ENTREP2: variants seen among roughly 807,000 people sequenced by gnomAD.
The protein encoded by ENTREP2 is protein ENTREP2.
chr15:29,316,198 G>A, the ENTREP2 span, among the ~76,000 whole-genome samples: 1 of 152,152 alleles, frequency 6.6e-6, no homozygotes, highest in Non-Finnish European at 1.5e-5. Flanking sequence ...AAAACGGGCA[G>A]GTGCCTTAAC....
chr15:29,261,461 T>C, the ENTREP2 span, among the ~76,000 whole-genome samples: 121 of 152,208 alleles, frequency 7.9e-4, no homozygotes, highest in African/African-American at 2.7e-3. Context: ...GGAGGCTCAC[T>C]TGAGCCTGCT....
the ENTREP2 span, among the ~76,000 whole-genome samples, chr15:29,236,585 G>A: frequency 2.0e-5 from 3 of 152,154 alleles, no homozygotes; most frequent in Non-Finnish European, 4.4e-5. Flanking sequence ...GGAGTTCAAG[G>A]TTGCATTGAG....
the ENTREP2 span, among the ~76,000 whole-genome samples, chr15:29,291,855 G>GT: frequency 0.031 from 4,663 of 149,452 alleles, 239 homozygotes; most frequent in African/African-American, 0.11. Flanking sequence ...GTTTGCATAG[G>GT]TTTTTTTTTT....
the ENTREP2 span, among the ~76,000 whole-genome samples, chr15:29,338,425 CAA>C: frequency 2.0e-4 from 16 of 80,566 alleles, no homozygotes; most frequent in Admixed American, 4.7e-4. Context: ...GACTCCATCT[CAA>C]AAAAAAAAAA....
the ENTREP2 span, among the ~76,000 whole-genome samples, chr15:29,423,165 C>CG: frequency 6.6e-6 from 1 of 152,088 alleles, no homozygotes; most frequent in East Asian, 1.9e-4. Context: ...TGAATAACCC[C>CG]GCCTGCCCCA....
chr15:29,490,413 C>A, the ENTREP2 span, among the ~76,000 whole-genome samples: 1 of 152,180 alleles, frequency 6.6e-6, no homozygotes, highest in Non-Finnish European at 1.5e-5. Context: ...AAACAGTTTG[C>A]GGCTGCTGGC....
chr15:29,306,108 T>C, the ENTREP2 span, among the ~76,000 whole-genome samples: 1 of 152,202 alleles, frequency 6.6e-6, no homozygotes, highest in Non-Finnish European at 1.5e-5. Context: ...CAGGCAGCGC[T>C]GCGATACCCC....
the ENTREP2 span, among the ~76,000 whole-genome samples, chr15:29,159,049 G>C: frequency 1.6e-4 from 24 of 152,196 alleles, no homozygotes; most frequent in Admixed American, 1.1e-3. Context: ...GCGGGTCGTG[G>C]TAGTGTATCT....
chr15:29,547,110 T>TG, the ENTREP2 span, among the ~76,000 whole-genome samples: 23 of 147,786 alleles, frequency 1.6e-4, no homozygotes, highest in African/African-American at 5.7e-4. Flanking sequence ...TTTTTTGAGA[T>TG]GGAGTCTCGC....
At chr15:29,149,994 GCA>G in the ENTREP2 span, among the ~76,000 whole-genome samples, 4 of 152,222 alleles carry the variant, frequency 2.6e-5, no homozygotes, top group Non-Finnish European at 5.9e-5. Flanking sequence ...CCTTTCCCTT[GCA>G]CAGTATTTTC....
the ENTREP2 span, among the ~76,000 whole-genome samples, chr15:29,600,898 C>CAATGATACGTTCTAATGCTCGTAAAAACA: frequency 1.6e-5 from 2 of 125,444 alleles, no homozygotes; most frequent in African/African-American, 7.6e-5. Context: ...TATGATTTTT[C>CAATGATACGTTCTAATGCTCGTAAAAACA]TTTCTTTTTT....
the ENTREP2 span, among the ~76,000 whole-genome samples, chr15:29,557,037 C>T: frequency 6.6e-6 from 1 of 152,182 alleles, no homozygotes; most frequent in Non-Finnish European, 1.5e-5. Context: ...CCACTAGTTC[C>T]TCTGCAAGGG....
chr15:29,179,436 G>A, the ENTREP2 span, among the ~76,000 whole-genome samples: 1 of 152,226 alleles, frequency 6.6e-6, no homozygotes, highest in Non-Finnish European at 1.5e-5. Context: ...CATGGTCTGA[G>A]CAATGGGAAG....
chr15:29,239,412 A>G, the ENTREP2 span, among the ~76,000 whole-genome samples: 1 of 152,164 alleles, frequency 6.6e-6, no homozygotes, highest in Non-Finnish European at 1.5e-5. Context: ...CAGAAACACA[A>G]ACAGACAAGG....
At chr15:29,555,217 G>A in the ENTREP2 span, among the ~76,000 whole-genome samples, 1 of 152,172 alleles carries the variant, frequency 6.6e-6, no homozygotes, top group Non-Finnish European at 1.5e-5. Context: ...GGAGAGGAGA[G>A]AGATTTGGGT....
At chr15:29,501,813 T>A in the ENTREP2 span, among the ~76,000 whole-genome samples, 1 of 151,952 alleles carries the variant, frequency 6.6e-6, no homozygotes, top group African/African-American at 2.4e-5. Flanking sequence ...TTAAAGCTAA[T>A]AAATTTGGCA....
At chr15:29,223,013 G>C in the ENTREP2 span, among the ~76,000 whole-genome samples, 16 of 152,324 alleles carry the variant, frequency 1.1e-4, no homozygotes, top group African/African-American at 3.8e-4. Context: ...CATGAATACA[G>C]CACTGGACAC....
the ENTREP2 span, chr15:29,252,480 TG>T: frequency 6.5e-7 from 1 of 1,531,282 alleles, no homozygotes; most frequent in Non-Finnish European, 8.8e-7. Flanking sequence ...AAAGGTTATC[TG>T]GAAACAAACC....
the ENTREP2 span, among the ~76,000 whole-genome samples, chr15:29,432,757 C>T: frequency 6.6e-6 from 1 of 152,138 alleles, no homozygotes; most frequent in South Asian, 2.1e-4. Flanking sequence ...CCCCTCCCCT[C>T]CTCCCCCAGC....
Sources: allele counts gnomAD v4.1 joint callset (sites outside exome capture counted in the v4.1 genomes callset), GRCh38; gene constraint gnomAD v4.1.1; transcripts MANE v1.5; gene names NCBI Gene and HGNC (gene_info 2026-07-23, HGNC 2026-07-21).